CFAP161: variants seen among roughly 807,000 people sequenced by gnomAD.
CFAP161 encodes cilia and flagella associated protein 161, also known as cilia- and flagella-associated protein 161.
CFAP161 carries 25 observed loss-of-function variants against 29.0 expected under a neutral mutation model. The ratio of observed to expected loss-of-function variants is 0.86; its 90% CI spans 0.63 to 1.20. The LOEUF is 1.20. CFAP161 is among the 50% of genes most tolerant of loss of function. The pLI is 0.00. For missense variants in CFAP161, 367 were observed against 371.9 expected (o/e 0.99, Z 0.11); for synonymous variants, 116 against 137.4 (o/e 0.84, Z 1.09).
At position 81,111,410 on chromosome 15, in the gene CFAP161, G is replaced by A. The variant is rs144476334; in HGVS notation, c.-141-16180G>A. On this transcript the variant is annotated intron_variant, in intron 1 of 4. Coordinates refer to the CFAP161 transcript ENST00000560091. ...TATTTAGTTCCACCTCCTTATCCCC[G>A]CTGCCACTGCTTAAGTCAGCACACG... Among the ~76,000 whole-genome samples the A allele has an allele frequency of 2.0e-3, 302 of 152,140 alleles. 2 individuals carry two copies. The highest frequency in any genetic ancestry group is 5.7e-3 in the African/African-American group (236 of 41,486).
chr15:81,117,807 T>G, intron 1 of CFAP161: 1 of 323,744 alleles, frequency 3.1e-6, no homozygotes, highest in Non-Finnish European at 6.0e-6. Flanking sequence ...CATCTTCGTC[T>G]TCATCTTCCT....
intron 5 of CFAP161, among the ~76,000 whole-genome samples, chr15:81,145,527 T>C (rs980865175): frequency 3.9e-5 from 6 of 152,150 alleles, no homozygotes; most frequent in Non-Finnish European, 7.3e-5. Flanking sequence ...ATTGTTATTG[T>C]TGCTGGTTTT....
chr15:81,132,593 G>T (rs986514510), upstream of CFAP161, among the ~76,000 whole-genome samples: 6 of 152,054 alleles, frequency 3.9e-5, no homozygotes, highest in South Asian at 2.1e-4. Flanking sequence ...GTATTATTGG[G>T]TCTATTATAT....
intron 1 of CFAP161, among the ~76,000 whole-genome samples, chr15:81,115,710 C>T (rs1894488929): frequency 6.6e-6 from 1 of 152,080 alleles, no homozygotes; most frequent in African/African-American, 2.4e-5. Flanking sequence ...AGACAGGGCT[C>T]ACTCTGTCAC....
chr15:81,099,887 C>G (rs1894282724), intron 1 of CFAP161, among the ~76,000 whole-genome samples: 1 of 152,054 alleles, frequency 6.6e-6, no homozygotes, highest in Non-Finnish European at 1.5e-5. Context: ...TACTATCTTC[C>G]TCCTCACGTA....
At chr15:81,127,475 G>C (rs746206956) in intron 1 of CFAP161, 3 of 152,124 alleles carry the variant, frequency 2.0e-5, no homozygotes, top group Non-Finnish European at 4.4e-5. Flanking sequence ...TGGAAACCAA[G>C]AGTACTCAAT....
intron 1 of CFAP161, among the ~76,000 whole-genome samples, chr15:81,116,253 A>G (rs1894496145): frequency 6.6e-6 from 1 of 152,162 alleles, no homozygotes; most frequent in South Asian, 2.1e-4. Flanking sequence ...TAAAAGTCTC[A>G]TTATGTTATG....
intron 1 of CFAP161, among the ~76,000 whole-genome samples, chr15:81,102,104 C>T (rs1205619635): frequency 1.3e-5 from 2 of 152,156 alleles, no homozygotes; most frequent in Non-Finnish European, 2.9e-5. Context: ...TATCATGTGG[C>T]AGCCAAACTG....
At chr15:81,135,494 T>G in intron 2 of CFAP161, 135 bp downstream of exon 2, 1 of 443,322 alleles carries the variant, frequency 2.3e-6, no homozygotes, top group Admixed American at 4.1e-5. Flanking sequence ...TAGGTATATC[T>G]CCTAATGCTA....
At chr15:81,142,172 G>A (rs1214398503) in intron 4 of CFAP161, among the ~76,000 whole-genome samples, 2 of 151,790 alleles carry the variant, frequency 1.3e-5, no homozygotes, top group Non-Finnish European at 1.5e-5. Context: ...TCTTGCCCCA[G>A]TGCAGCCCCT....
intron 2 of CFAP161, among the ~76,000 whole-genome samples, chr15:81,136,118 CA>C (rs1468442785): frequency 6.6e-6 from 1 of 152,160 alleles, no homozygotes; most frequent in Non-Finnish European, 1.5e-5. Context: ...AAACAATTTG[CA>C]ATGTTTTAAA....
At chr15:81,145,492 T>C (rs896957624) in intron 5 of CFAP161, among the ~76,000 whole-genome samples, 2 of 152,220 alleles carry the variant, frequency 1.3e-5, no homozygotes, top group Non-Finnish European at 2.9e-5. Flanking sequence ...CAAGTGTTTC[T>C]TGTTGTCATG....
chr15:81,143,643 T>G lies in CFAP161; in HGVS notation c.478-19T>G, dbSNP rs557840277. 1.2e-6 allele frequency: 2 copies of G among 1,604,676 alleles called. No homozygotes were observed. Reference sequence around the variant, plus strand: ...TCACAGAGCTCTGACTTAGTGCATCTGCTTGCTGTCATTTTCAGTTGTATT... The same window carrying G: ...TCACAGAGCTCTGACTTAGTGCATCGGCTTGCTGTCATTTTCAGTTGTATT... On this transcript the variant is annotated intron_variant, in intron 4 of 6. Transcript: ENST00000286732.
upstream of CFAP161, among the ~76,000 whole-genome samples, chr15:81,129,836 A>G (rs1011083739): frequency 1.4e-5 from 2 of 142,472 alleles, no homozygotes; most frequent in Admixed American, 6.8e-5. Context: ...TTTCTCTGTG[A>G]AAGTCCTAGA....
At chr15:81,101,953 A>G (rs925189315) in intron 1 of CFAP161, among the ~76,000 whole-genome samples, 1 of 152,152 alleles carries the variant, frequency 6.6e-6, no homozygotes, top group Non-Finnish European at 1.5e-5. Context: ...AGACTACACC[A>G]CCACCCTCTT....
intron 1 of CFAP161, among the ~76,000 whole-genome samples, chr15:81,105,194 TCACTCCCCC>T (rs1894355238): frequency 1.3e-5 from 1 of 74,346 alleles, no homozygotes; most frequent in African/African-American, 4.3e-5. Flanking sequence ...TTTTCCTCCC[TCACTCCCCC>T]TCCTCCTTTC....
rs750485945 is a variant in CFAP161 at position 81,148,546 on chromosome 15, G to A, written c.*13G>A. ...TGACACGCAGTAACACGCCAGGCAC[G>A]TGCATGTTTTCCCTGGTCCCGCTCT... On this transcript the variant is annotated 3_prime_UTR_variant, in exon 7 of 7. Transcript: ENST00000286732. 8.7e-6 allele frequency: 14 copies of A among 1,603,052 alleles called. No homozygotes were observed. The highest frequency in any genetic ancestry group is 5.0e-5 in the Admixed American group (3 of 59,774).
intron 1 of CFAP161, among the ~76,000 whole-genome samples, chr15:81,123,129 A>G (rs1894596984): frequency 6.6e-6 from 1 of 152,184 alleles, no homozygotes; most frequent in Admixed American, 6.5e-5. Context: ...AATGTCCTGA[A>G]TGGTGGTACC....
In CFAP161 at chr15:81,136,550, A is replaced by G. The variant is rs747849720; in HGVS notation, c.194A>G (p.His65Arg). 1.2e-6 allele frequency: 2 copies of G among 1,614,248 alleles called. No individual in the cohort carries two copies. The highest frequency in any genetic ancestry group is 1.7e-6 in the Non-Finnish European group (2 of 1,180,042). ...QLSVTEDGYI[H>R]YGDKVMLVNP... ...TCCGTAACTGAAGATGGCTATATTC[A>G]TTACGGTGACAAAGTGATGCTTGTG... is the stretch of plus-strand genomic sequence containing the variant. Residue 65 changes from histidine (H) to arginine (R), a missense_variant, in exon 3 of 7, where the codon CAT becomes CGT. Transcript: ENST00000286732.
Sources: gnomAD v4.1 joint callset for allele counts (sites outside exome capture counted in the v4.1 genomes callset) on GRCh38, gnomAD v4.1.1 for gene constraint, MANE v1.5 for transcripts, NCBI Gene and HGNC (gene_info 2026-07-23, HGNC 2026-07-21) for gene names.